The following CHRM3 variants were observed in gnomAD, a reference collection of about 807,000 sequenced individuals.
CHRM3 encodes muscarinic acetylcholine receptor M3.
CHRM3 carries 11 observed loss-of-function variants against 41.8 expected under a neutral mutation model. The ratio of observed to expected loss-of-function variants is 0.26; its 90% confidence interval spans 0.17 to 0.44. The LOEUF is 0.44. Ranked by LOEUF, CHRM3 falls within the 20% of genes least tolerant of loss-of-function variation. CHRM3 has a pLI of 1.00. For missense variants in CHRM3, 571 were observed against 745.4 expected (o/e 0.77, Z 2.72); for synonymous variants, 297 against 301.4 (o/e 0.99, Z 0.15).
chr1:239,803,041 C>G (rs1670341533), intron 5 of CHRM3, among the ~76,000 whole-genome samples: 1 of 152,192 alleles, frequency 6.6e-6, no homozygotes, highest in East Asian at 1.9e-4. Flanking sequence ...CATATTCTTT[C>G]ATTGTTTTAA....
intron 5 of CHRM3, among the ~76,000 whole-genome samples, chr1:239,678,596 C>A (rs1194180929): frequency 6.6e-6 from 1 of 152,112 alleles, no homozygotes; most frequent in African/African-American, 2.4e-5. Flanking sequence ...CTATGGAAAT[C>A]AAATGATGAA....
rs186882085 is a variant in CHRM3, at chr1:239,899,568, T to C, written c.-19-7865T>C. On this transcript the variant is annotated intron_variant, in intron 6 of 6. Coordinates refer to ENST00000676153, the MANE Select transcript of CHRM3 (RefSeq NM_001375978.1). ...GACCAATTAGTGTGTGTGTGTAGTG[T>C]GTGTGTATATATATAGTAAGTTCAA... Among the ~76,000 whole-genome samples, 545 of 151,964 alleles carry C rather than the reference T, an allele frequency of 3.6e-3. 5 individuals are homozygous for C. Among genetic ancestry groups the C allele is most frequent in the Middle Eastern group, 0.01 (3 of 292 alleles).
At chr1:239,430,548 G>T (rs907216178) in intron 1 of CHRM3, among the ~76,000 whole-genome samples, 1 of 151,900 alleles carries the variant, frequency 6.6e-6, no homozygotes. Context: ...AATTTAGGAA[G>T]AACACTGATA....
intron 4 of CHRM3, among the ~76,000 whole-genome samples, chr1:239,656,311 T>C (rs1672709836): frequency 1.4e-5 from 2 of 140,012 alleles, no homozygotes; most frequent in Admixed American, 7.7e-5. Flanking sequence ...TCTAAAATTG[T>C]TTAATAAAAT....
chr1:239,465,685 T>C (rs1665673501), intron 1 of CHRM3, among the ~76,000 whole-genome samples: 1 of 152,204 alleles, frequency 6.6e-6, no homozygotes, highest in South Asian at 2.1e-4. Flanking sequence ...TGATTTAGGT[T>C]CAGGTAATTC....
chr1:239,388,666 T>C (rs1658750338), intron 1 of CHRM3, among the ~76,000 whole-genome samples: 1 of 152,212 alleles, frequency 6.6e-6, no homozygotes, highest in African/African-American at 2.4e-5. Context: ...AAAACTAAGG[T>C]ATTTCTGTTC....
intron 3 of CHRM3, among the ~76,000 whole-genome samples, chr1:239,598,908 A>C (rs952668894): frequency 2.0e-5 from 3 of 149,860 alleles, no homozygotes; most frequent in Non-Finnish European, 4.4e-5. Context: ...CCACGCATGG[A>C]CGCTTCCCAC....
chr1:239,838,807 A>T (rs1277665271), intron 6 of CHRM3, among the ~76,000 whole-genome samples: 1 of 152,238 alleles, frequency 6.6e-6, no homozygotes, highest in African/African-American at 2.4e-5. Flanking sequence ...TAGAATAGGT[A>T]AGGAAGAGAA....
chr1:239,905,288 T>C (rs1572651543), intron 6 of CHRM3, among the ~76,000 whole-genome samples: 1 of 152,202 alleles, frequency 6.6e-6, no homozygotes, highest in East Asian at 1.9e-4. Context: ...ATGGAGGCTG[T>C]GGGTTCAGAT....
At chr1:239,848,892 T>G (rs1054229258) in intron 6 of CHRM3, among the ~76,000 whole-genome samples, 3 of 152,170 alleles carry the variant, frequency 2.0e-5, no homozygotes, top group Admixed American at 1.3e-4. Context: ...GAATACAGTT[T>G]TGAACATTCT....
At chr1:239,817,663 C>T (rs1342600183) in intron 5 of CHRM3, among the ~76,000 whole-genome samples, 1 of 151,958 alleles carries the variant, frequency 6.6e-6, no homozygotes, top group Non-Finnish European at 1.5e-5. Context: ...GCAAGACCCC[C>T]ATCTCCTCCC....
At chr1:239,735,715 C>T (rs533658537) in intron 5 of CHRM3, among the ~76,000 whole-genome samples, 2 of 152,218 alleles carry the variant, frequency 1.3e-5, no homozygotes, top group South Asian at 2.1e-4. Context: ...AATTAGTTTT[C>T]TTCTTTTGTC....
chr1:239,598,411 C>G (rs937814434), intron 3 of CHRM3, among the ~76,000 whole-genome samples: 8 of 152,088 alleles, frequency 5.3e-5, no homozygotes, highest in Non-Finnish European at 8.8e-5. Context: ...GGCTGCTGGA[C>G]TTGGGCTCAG....
At chr1:239,894,576 G>A (rs1456773107) in intron 6 of CHRM3, among the ~76,000 whole-genome samples, 1 of 152,070 alleles carries the variant, frequency 6.6e-6, no homozygotes, top group Non-Finnish European at 1.5e-5. Context: ...GGCATTACAG[G>A]TGTGTGCCAC....
At chr1:239,618,791 C>G (rs867891583) in intron 3 of CHRM3, among the ~76,000 whole-genome samples, 1 of 143,918 alleles carries the variant, frequency 6.9e-6, no homozygotes, top group Non-Finnish European at 1.5e-5. Flanking sequence ...TTGCAGTGAG[C>G]CGAGATCGCG....
rs755262263 is a variant in CHRM3 at position 239,908,373 on chromosome 1, T to C, written c.922T>C (p.Tyr308His). The C allele has an allele frequency of 6.2e-6, 10 of 1,613,946 alleles. No homozygotes were observed. The highest frequency in any genetic ancestry group is 7.6e-6 in the Non-Finnish European group (9 of 1,180,018). Residue 308 changes from tyrosine (Y) to histidine (H), a missense_variant, in exon 7 of 7, where the codon TAT (tyrosine) becomes CAT (histidine). Coordinates refer to ENST00000676153, the MANE Select transcript of CHRM3 (RefSeq NM_001375978.1). The surrounding 1 kb of genome is among the most constrained non-coding windows in gnomAD (Gnocchi z 7.2). ...CATGAAACGCTCCAACAGGAGGAAG[T>C]ATGGCCGCTGCCACTTCTGGTTCAC... ...QSMKRSNRRK[Y>H]GRCHFWFTTK...
chr1:239,854,708 A>C (rs2149241167), intron 6 of CHRM3, among the ~76,000 whole-genome samples: 1 of 152,240 alleles, frequency 6.6e-6, no homozygotes, highest in East Asian at 1.9e-4. Context: ...CACTTACAAA[A>C]GTTTTACCAA....
chr1:239,800,719 TG>T (rs1670145257), intron 5 of CHRM3, among the ~76,000 whole-genome samples: 1 of 152,182 alleles, frequency 6.6e-6, no homozygotes, highest in African/African-American at 2.4e-5. Context: ...GTGGGTGGGC[TG>T]GGGTTCCAGA....
At chr1:239,662,104 GAT>G (rs759728449) in intron 4 of CHRM3, among the ~76,000 whole-genome samples, 1 of 108,888 alleles carries the variant, frequency 9.2e-6, no homozygotes, top group Non-Finnish European at 1.9e-5. Flanking sequence ...TTCAGTTTTA[GAT>G]GTGTGTGTGT....
Sources: allele counts gnomAD v4.1 joint callset (sites outside exome capture counted in the v4.1 genomes callset), GRCh38; gene constraint gnomAD v4.1.1; non-coding constraint Gnocchi (gnomAD v3.1); transcripts MANE v1.5; gene names NCBI Gene and HGNC (gene_info 2026-07-23, HGNC 2026-07-21).